Variants in OCM2 observed in about 807,000 individuals in gnomAD.
OCM2 encodes the protein oncomodulin-2.
Under a neutral mutation model 13.6 loss-of-function variants are expected in OCM2, and 6 were observed. The observed-to-expected ratio is 0.44, with a 90% CI of 0.24 to 0.87. The LOEUF (loss-of-function observed/expected upper bound fraction) is 0.87. OCM2 is among the 40% of genes least tolerant of loss of function. The probability of loss-of-function intolerance (pLI) is 0.22; values close to 1 mark genes in which losing one functional copy is unlikely to be tolerated. For synonymous variants in OCM2, 40 were observed against 50.7 expected (o/e 0.79, Z 0.90); for missense variants, 118 against 136.8 (o/e 0.86, Z 0.68).
At chr7:97,986,906 A>G in intron 3 of OCM2, 141 bp downstream of exon 3, 2 of 1,389,556 alleles carry the variant, frequency 1.4e-6, no homozygotes, top group Non-Finnish European at 1.9e-6. Context: ...CTTTAGTCTC[A>G]TTTTACAGAT....
intron 3 of OCM2, among the ~76,000 whole-genome samples, chr7:97,985,431 A>AAAAAGAAAGAAAGAAAG (rs757682710): frequency 5.2e-4 from 68 of 131,544 alleles, no homozygotes; most frequent in Non-Finnish European, 8.3e-4. Context: ...AAAAAAAAAA[A>AAAAAGAAAGAAAGAAAG]AAAGAAAGAA....
intron 1 of OCM2, among the ~76,000 whole-genome samples, chr7:97,989,438 C>T (rs1356902571): frequency 2.0e-5 from 3 of 150,606 alleles, no homozygotes; most frequent in Admixed American, 6.7e-5. Flanking sequence ...CTCACTCTGT[C>T]GTCCAGGCTG....
exon 4 of OCM2, chr7:97,984,781 A>G: frequency 1.2e-6 from 1 of 855,608 alleles, no homozygotes; most frequent in Non-Finnish European, 1.8e-6. Flanking sequence ...CCCACCACCA[A>G]GAAAGTCATG....
rs766692017 is a variant in OCM2, at chr7:97,984,930, T to C, written c.*28A>G. Reference sequence around the variant, plus strand: ...GAATCCTTCCAGGTGATTATCCCTTTCTCTCTTTTCTCCAGAGACTGGGGC... The same window carrying C: ...GAATCCTTCCAGGTGATTATCCCTTCCTCTCTTTTCTCCAGAGACTGGGGC... On this transcript the variant is annotated 3_prime_UTR_variant, in exon 4 of 4. Coordinates refer to ENST00000257627, the Ensembl canonical transcript of OCM2. 2.5e-6 allele frequency: 4 copies of C among 1,605,850 alleles called. No homozygotes were observed. The South Asian group carries it at 4.4e-5, about 18-fold the overall frequency.
intron 3 of OCM2, among the ~76,000 whole-genome samples, chr7:97,985,191 C>T (rs763884469): frequency 6.6e-4 from 100 of 152,182 alleles, no homozygotes; most frequent in Non-Finnish European, 1.2e-3. Context: ...GAGGCCGAAG[C>T]GGGTGGATCA....
At chr7:97,988,458 A>G in exon 2 of OCM2, 3 of 1,614,168 alleles carry the variant, frequency 1.9e-6, no homozygotes, top group Non-Finnish European at 1.7e-6. Context: ...GTCGTTGTCT[A>G]TGAACCGGAA....
chr7:97,985,977 A>G (rs1794667543), intron 3 of OCM2, among the ~76,000 whole-genome samples: 1 of 151,864 alleles, frequency 6.6e-6, no homozygotes, highest in South Asian at 2.1e-4. Context: ...CAATGGTGCC[A>G]TCTTGGCTCA....
At chr7:97,989,849 G>A (rs1794714464) in intron 1 of OCM2, among the ~76,000 whole-genome samples, 195 bp downstream of exon 1, 2 of 151,600 alleles carry the variant, frequency 1.3e-5, no homozygotes, top group African/African-American at 2.4e-5. Context: ...TATTAGAGAT[G>A]GGGTTTCACC....
intron 3 of OCM2, among the ~76,000 whole-genome samples, chr7:97,985,497 C>T (rs1336391343): frequency 6.6e-6 from 1 of 151,620 alleles, no homozygotes; most frequent in Admixed American, 6.6e-5. Flanking sequence ...CAAGGAAGTC[C>T]ACAGGGTTCC....
In OCM2 at chr7:97,984,997, G is replaced by A. The variant is rs758303887; in HGVS notation, c.305-14C>T. On this transcript the variant is annotated splice_polypyrimidine_tract_variant and intron_variant, in intron 3 of 3. Transcript: ENST00000257627. ...TTTCCTGGAATTCTAGAACAGAAGAGGTGAGAACAGGGTCAGTGGAGGTGG... is the reference window on the plus strand; with the variant it reads ...TTTCCTGGAATTCTAGAACAGAAGAAGTGAGAACAGGGTCAGTGGAGGTGG... The A allele has an allele frequency of 8.7e-6, 14 of 1,614,002 alleles. No homozygotes were observed. In the Admixed American group the frequency reaches 1.0e-4, roughly 12 times the overall value.
intron 1 of OCM2, 126 bp from the exon 2 acceptor site, chr7:97,988,674 C>T (rs1249224107): frequency 1.5e-6 from 2 of 1,305,234 alleles, no homozygotes; most frequent in Non-Finnish European, 2.2e-6. Context: ...GGATGCTCAA[C>T]TGGTCTAAGA....
chr7:97,990,031 ACGT>A lies in OCM2; in HGVS notation c.61+10_61+12del. The A allele has an allele frequency of 2.2e-5, 11 of 496,376 alleles. No individual in the cohort carries two copies. The highest frequency in any genetic ancestry group is 3.9e-5 in the African/African-American group (1 of 25,800). 30.7% of individuals were successfully genotyped at this position (496,376 alleles called of 1,614,324 possible). A position where few individuals can be genotyped will look rare whatever the true frequency, so the allele number is the denominator to read the frequency against. On this transcript the variant is annotated intron_variant, in intron 1 of 3. Transcript: ENST00000257627. ...TGTGAGGAAATCCCACCCCCGCCCCACGTCCCCTCTACCTTGGCATTCCTGGAG... is the reference window on the plus strand; with the variant it reads ...TGTGAGGAAATCCCACCCCCGCCCCACCCCTCTACCTTGGCATTCCTGGAG...
intron 2 of OCM2, among the ~76,000 whole-genome samples, chr7:97,987,520 AT>A (rs1206293103): frequency 4.1e-5 from 6 of 147,536 alleles, no homozygotes; most frequent in Admixed American, 1.4e-4. Context: ...TAACATTTGT[AT>A]TTTTTTTTTG....
chr7:97,987,424 C>A (rs1794683751), intron 2 of OCM2, among the ~76,000 whole-genome samples: 1 of 152,088 alleles, frequency 6.6e-6, no homozygotes, highest in Admixed American at 6.5e-5. Flanking sequence ...TGGCTCACTG[C>A]AGCCTCAACT....
intron 2 of OCM2, 134 bp from the exon 3 acceptor site, chr7:97,987,290 G>T: frequency 1.0e-6 from 1 of 970,608 alleles, no homozygotes; most frequent in Non-Finnish European, 1.6e-6. Context: ...AGCAAGCAAA[G>T]GTTTCCTTAA....
chr7:97,989,700 T>G (rs1210506644), intron 1 of OCM2, among the ~76,000 whole-genome samples: 1 of 150,976 alleles, frequency 6.6e-6, no homozygotes, highest in Non-Finnish European at 1.5e-5. Flanking sequence ...TGAGCCACCA[T>G]GCCTGGTCTA....
chr7:97,987,602 C>A (rs577145633), intron 2 of OCM2, among the ~76,000 whole-genome samples: 1 of 152,218 alleles, frequency 6.6e-6, no homozygotes, highest in Non-Finnish European at 1.5e-5. Flanking sequence ...AATCCACCCA[C>A]CTCAGCCTCC....
intron 3 of OCM2, 124 bp from the exon 4 acceptor site, chr7:97,985,107 C>T: frequency 2.3e-6 from 2 of 868,936 alleles, no homozygotes; most frequent in South Asian, 1.6e-5. Context: ...ATGGGCATGG[C>T]CCCCTTGGAG....
intron 2 of OCM2, 31 bp downstream of exon 2, chr7:97,988,385 A>C (rs12704956): frequency 4.3e-6 from 7 of 1,613,212 alleles, no homozygotes; most frequent in Non-Finnish European, 5.9e-6. Context: ...CAGCAGTGCC[A>C]GGTACCAGAC....
Sources: allele counts gnomAD v4.1 joint callset (sites outside exome capture counted in the v4.1 genomes callset), GRCh38; gene constraint gnomAD v4.1.1; transcripts MANE v1.5; gene names NCBI Gene and HGNC (gene_info 2026-07-23, HGNC 2026-07-21).